The following MTOR variants were observed in gnomAD, a reference collection of about 807,000 sequenced individuals.
MTOR encodes serine/threonine-protein kinase mTOR.
Under a neutral mutation model 319.8 loss-of-function variants are expected in MTOR, and 70 were observed. That is an observed-to-expected ratio of 0.22 (90% CI 0.18 to 0.27). The LOEUF (loss-of-function observed/expected upper bound fraction) is 0.27. Ranked by LOEUF, MTOR falls within the 10% of genes least tolerant of loss-of-function variation. The pLI, the probability that MTOR is intolerant of heterozygous loss-of-function variation, is 1.00. For synonymous variants in MTOR, 1,183 were observed against 1,211.4 expected, an observed-to-expected ratio of 0.98 and a Z score of 0.49; for missense variants, 1,890 against 3,274.4, an observed-to-expected ratio of 0.58 and a Z score of 10.32.
intron 19 of MTOR, among the ~76,000 whole-genome samples, chr1:11,222,874 CT>C (rs1292819089): frequency 4.6e-5 from 7 of 151,952 alleles, no homozygotes; most frequent in Admixed American, 2.6e-4. Context: ...GGGAAAAAGG[CT>C]GATAGGGAAC....
intron 30 of MTOR, among the ~76,000 whole-genome samples, chr1:11,152,635 G>A (rs1244696516): frequency 1.3e-5 from 2 of 152,128 alleles, no homozygotes; most frequent in African/African-American, 4.8e-5. Flanking sequence ...GGTGCGGGTT[G>A]CCTAGCTCTC....
At position 11,243,606 on chromosome 1, in the gene MTOR, T is replaced by G. The variant is rs559048383; in HGVS notation, c.1226-306A>C. Among the ~76,000 whole-genome samples the G allele has an allele frequency of 3.2e-4, 48 of 151,248 alleles. No individual in the cohort carries two copies. In the South Asian group the frequency reaches 8.0e-3, roughly 25 times the overall value. ...GGGAGGCTGAGGCAGGAGGATCACT[T>G]GAGCCCAGATGGTTGAGGCTGCAGA... is the stretch of plus-strand genomic sequence containing the variant. On this transcript the variant is annotated intron_variant, in intron 8 of 57. Coordinates refer to ENST00000361445, the MANE Select transcript of MTOR (RefSeq NM_004958.4).
chr1:11,123,884 T>C (rs1642675246), intron 47 of MTOR, among the ~76,000 whole-genome samples: 1 of 151,764 alleles, frequency 6.6e-6, no homozygotes, highest in Non-Finnish European at 1.5e-5. Flanking sequence ...GCCTCCCAGG[T>C]TCAAGCAATT....
intron 28 of MTOR, chr1:11,194,751 T>C (rs1645715070): frequency 6.3e-7 from 1 of 1,598,586 alleles, no homozygotes; most frequent in African/African-American, 1.3e-5. Context: ...GTACAGTTGA[T>C]ATTCCGGTTT....
chr1:11,234,022 G>GT, intron 14 of MTOR, 121 bp downstream of exon 14: 1 of 1,432,196 alleles, frequency 7.0e-7, no homozygotes, highest in Middle Eastern at 2.4e-4. Context: ...GTCTCCAAGC[G>GT]TGAGAGCAAA....
intron 28 of MTOR, among the ~76,000 whole-genome samples, chr1:11,172,296 GC>G (rs1644840393): frequency 6.6e-6 from 1 of 152,026 alleles, no homozygotes; most frequent in African/African-American, 2.4e-5. Context: ...GGTGGCTCAC[GC>G]CTGTAATCCC....
At chr1:11,236,040 G>A (rs1348472950) in intron 13 of MTOR, among the ~76,000 whole-genome samples, 1 of 151,312 alleles carries the variant, frequency 6.6e-6, no homozygotes, top group African/African-American at 2.4e-5. Context: ...TATATTCCCA[G>A]TGCCCAGCAG....
rs1557492520 is a variant in MTOR at position 11,254,035 on chromosome 1, C to T, written c.706-62G>A. On this transcript the variant is annotated intron_variant, in intron 5 of 57. Transcript: ENST00000361445. ...AGTACAAACCCAGAAAGAATACAGGCCCATCCCATCTACACTGGGGGTTCT... is the reference window on the plus strand; with the variant it reads ...AGTACAAACCCAGAAAGAATACAGGTCCATCCCATCTACACTGGGGGTTCT... 3.1e-6 allele frequency: 5 copies of T among 1,605,560 alleles called. No individual in the cohort carries two copies. The South Asian group carries it at 4.4e-5, about 14-fold the overall frequency.
chr1:11,128,154 T>C lies in MTOR; in HGVS notation c.5911-28A>G, dbSNP rs1642938975. 1.2e-6 allele frequency: 2 copies of C among 1,612,534 alleles called. No homozygotes were observed. Among genetic ancestry groups the C allele is most frequent in the Non-Finnish European group, 1.7e-6 (2 of 1,179,470 alleles). On this transcript the variant is annotated intron_variant, in intron 42 of 57. Coordinates refer to ENST00000361445, the MANE Select transcript of MTOR (RefSeq NM_004958.4). The surrounding 1 kb of genome is among the most constrained non-coding windows in gnomAD (Gnocchi z 5.3). ...GAGGGAAAAACAGAAGAAACATCTATAAAGGAAATGTGGGTTGGGGAAGAG... is the reference window on the plus strand; with the variant it reads ...GAGGGAAAAACAGAAGAAACATCTACAAAGGAAATGTGGGTTGGGGAAGAG...
At chr1:11,194,141 A>G (rs1645678634) in intron 28 of MTOR, among the ~76,000 whole-genome samples, 1 of 152,202 alleles carries the variant, frequency 6.6e-6, no homozygotes, top group Admixed American at 6.5e-5. Flanking sequence ...GAAAGCACTC[A>G]CTATATCCTC....
At chr1:11,227,062 C>T (rs928648031) in intron 19 of MTOR, among the ~76,000 whole-genome samples, 39 of 151,248 alleles carry the variant, frequency 2.6e-4, no homozygotes, top group Admixed American at 4.0e-4. Flanking sequence ...CTTTGGGAGG[C>T]TGAGGCAGTT....
At position 11,146,675 on chromosome 1, in the gene MTOR, C is replaced by T. The variant is rs2100519442; in HGVS notation, c.4686+1G>A. ...AGATCTGGGTGCATGTAGGTTTTTA[C>T]CTGTTGTGCCAAGGAGAAGAGGTCC... is the stretch of plus-strand genomic sequence containing the variant. On this transcript the variant is annotated splice_donor_variant, in intron 32 of 57. Coordinates refer to ENST00000361445, the MANE Select transcript of MTOR (RefSeq NM_004958.4). LOFTEE classifies it high-confidence loss of function. The T allele has an allele frequency of 6.2e-7, 1 of 1,613,000 alleles. No homozygotes were observed.
Position 11,107,451 on chromosome 1 carries a change from A to C in MTOR, c.*34T>G, listed in dbSNP as rs777785172. 12 of 1,602,972 alleles carry C rather than the reference A, an allele frequency of 7.5e-6. No individual in the cohort carries two copies. The highest frequency in any genetic ancestry group is 1.0e-5 in the Non-Finnish European group (12 of 1,177,448). On this transcript the variant is annotated 3_prime_UTR_variant, in exon 58 of 58. Transcript: ENST00000361445. ...GCATTTACTAAAGTACAAAAGCCTC[A>C]GAAAAAACGTGATGGGCACATCTGG...
At chr1:11,245,946 G>T (rs927533439) in intron 8 of MTOR, among the ~76,000 whole-genome samples, 4 of 152,098 alleles carry the variant, frequency 2.6e-5, no homozygotes, top group African/African-American at 9.7e-5. Flanking sequence ...TTCTTTCCTG[G>T]ATTTAGCATC....
chr1:11,125,593 T>C (rs1393698507), intron 46 of MTOR, among the ~76,000 whole-genome samples: 1 of 151,358 alleles, frequency 6.6e-6, no homozygotes, highest in African/African-American at 2.4e-5. Flanking sequence ...TAGCTGATTG[T>C]GTGGCATGCG....
In MTOR at chr1:11,133,935, C is replaced by T. The variant is rs1461394355; in HGVS notation, c.5246+416G>A. Among the ~76,000 whole-genome samples, 1 of 151,960 alleles carries T rather than the reference C, an allele frequency of 6.6e-6. No individual in the cohort carries two copies. The highest frequency in any genetic ancestry group is 2.4e-5 in the African/African-American group (1 of 41,364). On this transcript the variant is annotated intron_variant, in intron 37 of 57. Coordinates refer to ENST00000361445, the MANE Select transcript of MTOR (RefSeq NM_004958.4). This position sits in a 1 kb window ranked among gnomAD's most constrained non-coding sequence, Gnocchi z 4.0. ...CTGTTCTTTTGTAGAGACCTCATTT[C>T]TACAAAAAACTAGCCAGTGTGGTGG...
chr1:11,207,597 CTT>C (rs34578052), intron 25 of MTOR, among the ~76,000 whole-genome samples: 6,109 of 121,658 alleles, frequency 0.05, 157 homozygotes, highest in South Asian at 0.11. Context: ...TTTTCAATTC[CTT>C]TTTTTTTTTT....
rs2100397997 is a variant in MTOR, at chr1:11,126,789, G to A, written c.6359C>T (p.Ser2120Phe). 4 of 1,613,592 alleles carry A rather than the reference G, an allele frequency of 2.5e-6. No individual in the cohort carries two copies. Among genetic ancestry groups the A allele is most frequent in the South Asian group, 1.1e-5 (1 of 90,962 alleles). The part of the protein sequence containing the change: ...RISKQLPQLT[S>F]LELQYVSPKL... Reference sequence around the variant, plus strand: ...TGGGGAAACATATTGCAGCTCTAAGGATGTGAGCTGTAAATAATTACCAAA... The same window carrying A: ...TGGGGAAACATATTGCAGCTCTAAGAATGTGAGCTGTAAATAATTACCAAA... The change falls in exon 46 of 58, where the codon TCC (serine) becomes TTC (phenylalanine). Residue 2120 changes from serine (S) to phenylalanine (F), a missense_variant. Ser to Phe is a radical substitution (Grantham distance 155, BLOSUM62 -2). This residue lies in a region of MTOR where 249 missense variants were observed against 596.2 expected (regional missense o/e 0.42). Transcript: ENST00000361445.
At position 11,212,120 on chromosome 1, in the gene MTOR, AC is replaced by A. The variant is rs1199661625; in HGVS notation, c.3561+191del. Among the ~76,000 whole-genome samples, 1 of 152,038 alleles carries A rather than the reference AC, an allele frequency of 6.6e-6. No homozygotes were observed. Among genetic ancestry groups the A allele is most frequent in the Non-Finnish European group, 1.5e-5 (1 of 68,006 alleles). On this transcript the variant is annotated intron_variant, in intron 23 of 57. Coordinates refer to ENST00000361445, the MANE Select transcript of MTOR (RefSeq NM_004958.4). This position sits in a 1 kb window ranked among gnomAD's most constrained non-coding sequence, Gnocchi z 4.1. ...AGGACTTTATTCTGTTTACCGTGTT[AC>A]CCCCAGAACGGCACTTAGCTCACAT...
Sources: gnomAD v4.1 joint callset for allele counts (sites outside exome capture counted in the v4.1 genomes callset) on GRCh38, gnomAD v4.1.1 for gene constraint, gnomAD v4.1.1 regional missense constraint, Gnocchi (gnomAD v3.1) non-coding constraint, MANE v1.5 for transcripts, NCBI Gene and HGNC (gene_info 2026-07-23, HGNC 2026-07-21) for gene names.